Variants in GALNT13 observed in about 807,000 individuals in gnomAD.
GALNT13 encodes the protein polypeptide N-acetylgalactosaminyltransferase 13, also known as UDP-GalNAc:polypeptide N-acetylgalactosaminyltransferase 13.
GALNT13 carries 28 observed loss-of-function variants against 64.2 expected under a neutral mutation model. The observed-to-expected ratio is 0.44, with a 90% confidence interval of 0.32 to 0.60. The LOEUF (loss-of-function observed/expected upper bound fraction) is 0.60, where lower values mean the gene tolerates loss of function less well. Among genes scored for constraint, GALNT13 ranks in the 20% least tolerant of loss-of-function variants. GALNT13 has a pLI of 0.05. For synonymous variants in GALNT13, 214 were observed against 224.6 expected (o/e 0.95, Z 0.42); for missense variants, 577 against 669.8 (o/e 0.86, Z 1.53).
chr2:154,335,649 T>A (rs1406080868), intron 9 of GALNT13, among the ~76,000 whole-genome samples: 1 of 152,028 alleles, frequency 6.6e-6, no homozygotes, highest in East Asian at 1.9e-4. Context: ...CATTGAACAT[T>A]TTTTGTTAGA....
chr2:153,470,561 T>A, the GALNT13 span, among the ~76,000 whole-genome samples: 1 of 151,018 alleles, frequency 6.6e-6, no homozygotes, highest in African/African-American at 2.5e-5. Context: ...TGGAGAGAGA[T>A]TTTCTGAGAG....
At chr2:153,367,540 G>A in the GALNT13 span, among the ~76,000 whole-genome samples, 1 of 152,158 alleles carries the variant, frequency 6.6e-6, no homozygotes, top group South Asian at 2.1e-4. Context: ...TATAATCAAA[G>A]GAGTTGTTAC....
intron 4 of GALNT13, among the ~76,000 whole-genome samples, chr2:154,221,709 A>G (rs1688332929): frequency 6.6e-6 from 1 of 152,138 alleles, no homozygotes; most frequent in Non-Finnish European, 1.5e-5. Flanking sequence ...AACCCTATTC[A>G]TTACTCTTGA....
intron 9 of GALNT13, among the ~76,000 whole-genome samples, chr2:154,348,097 A>G (rs1416456387): frequency 3.3e-5 from 5 of 152,166 alleles, no homozygotes; most frequent in African/African-American, 1.2e-4. Context: ...ATTCTATAGC[A>G]TTGTGTTATA....
intron 11 of GALNT13, chr2:154,436,571 A>G (rs554911157): frequency 4.9e-4 from 75 of 152,260 alleles, no homozygotes; most frequent in Admixed American, 1.6e-3. Context: ...AACAAAAGAA[A>G]TTTCTCTAGA....
At chr2:153,077,319 T>C in the GALNT13 span, among the ~76,000 whole-genome samples, 8 of 152,004 alleles carry the variant, frequency 5.3e-5, no homozygotes, top group Non-Finnish European at 5.9e-5. Context: ...AATTCTATTA[T>C]ATTTATATAT....
At chr2:153,701,561 T>C in the GALNT13 span, among the ~76,000 whole-genome samples, 1 of 152,154 alleles carries the variant, frequency 6.6e-6, no homozygotes, top group African/African-American at 2.4e-5. Context: ...ACAGGCAACC[T>C]ACTGAATGAG....
At chr2:154,073,664 A>G (rs538743059) in intron 3 of GALNT13, among the ~76,000 whole-genome samples, 61 of 152,100 alleles carry the variant, frequency 4.0e-4, no homozygotes, top group Non-Finnish European at 7.1e-4. Flanking sequence ...AAAATGCAAG[A>G]TAAATCAATA....
At chr2:153,610,499 AC>A in the GALNT13 span, among the ~76,000 whole-genome samples, 1 of 152,062 alleles carries the variant, frequency 6.6e-6, no homozygotes, top group Non-Finnish European at 1.5e-5. Context: ...ACATGGCGAA[AC>A]CCTGTCTCTA....
chr2:153,151,984 A>T, the GALNT13 span, among the ~76,000 whole-genome samples: 1 of 151,980 alleles, frequency 6.6e-6, no homozygotes, highest in Non-Finnish European at 1.5e-5. Flanking sequence ...GTATAATAAT[A>T]ATAAAAAATT....
At chr2:153,725,090 A>C in the GALNT13 span, among the ~76,000 whole-genome samples, 594 of 149,468 alleles carry the variant, frequency 4.0e-3, 4 homozygotes, top group African/African-American at 0.013. Context: ...GATTAAGAAA[A>C]TGTGGCACAT....
chr2:154,247,965 A>G (rs1689869216), intron 7 of GALNT13, among the ~76,000 whole-genome samples: 1 of 152,098 alleles, frequency 6.6e-6, no homozygotes, highest in African/African-American at 2.4e-5. Flanking sequence ...CTTGTAATCT[A>G]TTGCTTGAAG....
At chr2:154,146,183 C>T (rs1351331917) in intron 4 of GALNT13, among the ~76,000 whole-genome samples, 1 of 151,190 alleles carries the variant, frequency 6.6e-6, no homozygotes, top group Non-Finnish European at 1.5e-5. Context: ...CATACACACA[C>T]ATATATACAT....
the GALNT13 span, among the ~76,000 whole-genome samples, chr2:153,175,325 A>T: frequency 2.6e-5 from 4 of 152,146 alleles, no homozygotes; most frequent in African/African-American, 9.7e-5. Context: ...GTGTGTGTTT[A>T]TATGTCGCAG....
At chr2:153,629,734 T>C in the GALNT13 span, among the ~76,000 whole-genome samples, 2 of 150,888 alleles carry the variant, frequency 1.3e-5, no homozygotes, top group African/African-American at 4.9e-5. Context: ...GAGAAAATTT[T>C]CGCAACCTAC....
the GALNT13 span, among the ~76,000 whole-genome samples, chr2:153,628,927 G>T: frequency 6.6e-6 from 1 of 152,122 alleles, no homozygotes; most frequent in Admixed American, 6.6e-5. Flanking sequence ...AGTGGTACCA[G>T]TTCCTCCTTG....
the GALNT13 span, among the ~76,000 whole-genome samples, chr2:153,218,472 A>G: frequency 6.6e-6 from 1 of 152,134 alleles, no homozygotes; most frequent in Admixed American, 6.5e-5. Context: ...CAGTGCCCTA[A>G]GAGCCACAGT....
At chr2:153,415,221 C>T in the GALNT13 span, among the ~76,000 whole-genome samples, 1 of 152,050 alleles carries the variant, frequency 6.6e-6, no homozygotes. Context: ...TGACATGGGC[C>T]CTGCAAGGCC....
At chr2:153,175,000 A>G in the GALNT13 span, among the ~76,000 whole-genome samples, 1 of 152,100 alleles carries the variant, frequency 6.6e-6, no homozygotes, top group Non-Finnish European at 1.5e-5. Context: ...GGATTATTAG[A>G]TTTGATTACT....
Sources: allele counts gnomAD v4.1 joint callset (sites outside exome capture counted in the v4.1 genomes callset), GRCh38; gene constraint gnomAD v4.1.1; transcripts MANE v1.5; gene names NCBI Gene and HGNC (gene_info 2026-07-23, HGNC 2026-07-21).